ZNF208: variants seen among roughly 807,000 people sequenced by gnomAD.
ZNF208 encodes the protein zinc finger protein 208.
ZNF208 carries 10 observed loss-of-function variants against 12.1 expected under a neutral mutation model. The observed-to-expected ratio is 0.83, with a 90% CI of 0.51 to 1.40. The LOEUF (loss-of-function observed/expected upper bound fraction) is 1.40, where lower values mean the gene tolerates loss of function less well. ZNF208 is among the 40% of genes most tolerant of loss of function. The pLI, the probability that ZNF208 is intolerant of heterozygous loss-of-function variation, is 0.00. For missense variants in ZNF208, 1,652 were observed against 1,485.0 expected (o/e 1.11, Z -1.85); for synonymous variants, 497 against 488.4 (o/e 1.02, Z -0.23).
chr19:21,971,030 G>A lies in ZNF208; in HGVS notation c.*161C>T, dbSNP rs956857500. On this transcript the variant is annotated 3_prime_UTR_variant, in exon 4 of 4. Transcript: ENST00000397126. ...ACCACATTCTTCACATTTGTAGGGTGTCTCTCCAGTATGAATTCTCTTATG... is the reference window on the plus strand; with the variant it reads ...ACCACATTCTTCACATTTGTAGGGTATCTCTCCAGTATGAATTCTCTTATG... Among the ~76,000 whole-genome samples, 16 of 145,696 alleles carry A rather than the reference G, an allele frequency of 1.1e-4. No individual in the cohort carries two copies. The highest frequency in any genetic ancestry group is 4.1e-4 in the African/African-American group (16 of 39,250).
chr19:21,942,278 ATAGTAGTATATATAT>A (rs1969752766), intron 4 of ZNF208, among the ~76,000 whole-genome samples: 1 of 152,160 alleles, frequency 6.6e-6, no homozygotes. Flanking sequence ...GTTTTACTTA[ATAGTAGTATATATAT>A]AAGATCAAAG....
At position 21,970,545 on chromosome 19, in the gene ZNF208, T is replaced by A. The variant is rs1970259187; in HGVS notation, c.*646A>T. The A allele has an allele frequency of 3.2e-6, 2 of 630,966 alleles. No homozygotes were observed. The highest frequency in any genetic ancestry group is 5.8e-5 in the Admixed American group (2 of 34,452). 39.1% of individuals were successfully genotyped at this position (630,966 alleles called of 1,614,324 possible). A position where few individuals can be genotyped will look rare whatever the true frequency, so the allele number is the denominator to read the frequency against. On this transcript the variant is annotated 3_prime_UTR_variant, in exon 4 of 4. Transcript: ENST00000397126. ...GTAGGGTTTTTCCTCCAGTATGAAT[T>A]CTTTTATGAGTAGTAAGGTGTGAGG...
intron 3 of ZNF208, among the ~76,000 whole-genome samples, chr19:21,980,814 G>A (rs1304495965): frequency 6.6e-6 from 1 of 151,970 alleles, no homozygotes; most frequent in East Asian, 1.9e-4. Context: ...TAGACTGCTA[G>A]CCAGTCTAAT....
chr19:22,007,099 G>T (rs567224671), intron 1 of ZNF208, among the ~76,000 whole-genome samples: 1 of 152,000 alleles, frequency 6.6e-6, no homozygotes, highest in Non-Finnish European at 1.5e-5. Context: ...ATTACCTACC[G>T]CATTTTCTTG....
At position 21,967,057 on chromosome 19, in the gene ZNF208, A is replaced by G. The variant is rs1970184812; in HGVS notation, c.*4134T>C. On this transcript the variant is annotated 3_prime_UTR_variant, in exon 4 of 4. Coordinates refer to ENST00000397126, the MANE Select transcript of ZNF208 (RefSeq NM_007153.3). ...GCTGATAGTTTCTTTTACTGTGCAG[A>G]AGCTCTTTGGCTTAGATGCCATTTT... 1 of 152,082 alleles carries G rather than the reference A, an allele frequency of 6.6e-6. No homozygotes were observed. The highest frequency in any genetic ancestry group is 2.4e-5 in the African/African-American group (1 of 41,426). The allele number at this position is 152,082 out of a possible 1,614,324, so 9.4% of individuals were successfully genotyped here. A position where few individuals can be genotyped will look rare whatever the true frequency, so the allele number is the denominator to read the frequency against.
chr19:21,950,204 T>C (rs1005164952), intron 4 of ZNF208, among the ~76,000 whole-genome samples: 2 of 152,206 alleles, frequency 1.3e-5, no homozygotes, highest in South Asian at 2.1e-4. Flanking sequence ...TTTATCTATA[T>C]AAAACTTGTT....
intron 1 of ZNF208, among the ~76,000 whole-genome samples, chr19:22,005,082 T>A (rs1482030392): frequency 2.0e-5 from 3 of 152,154 alleles, no homozygotes; most frequent in South Asian, 2.1e-4. Context: ...AGAAAACAGG[T>A]TGCTACTGCA....
In ZNF208 at chr19:21,973,969, G is replaced by T. The variant is rs539005144; in HGVS notation, c.1065C>A (p.Ile355=). 12 of 1,613,280 alleles carry T rather than the reference G, an allele frequency of 7.4e-6. No individual in the cohort carries two copies. The African/African-American group carries it at 1.3e-4, about 18-fold the overall frequency. ...TATGAATTACCTTATGTTTAGTAAG[G>T]ATTGAGAACTTACTAAAGGCTTTGC... ...ECGKAFSKFS[I]LTKHKVIHTG... The change falls in exon 4 of 4, where the codon ATC becomes ATA. Residue 355 remains isoleucine (I), a synonymous_variant. Coordinates refer to ENST00000397126, the MANE Select transcript of ZNF208 (RefSeq NM_007153.3).
intron 1 of ZNF208, 143 bp downstream of exon 1, chr19:22,010,645 GAACC>G: frequency 8.0e-7 from 1 of 1,246,654 alleles, no homozygotes; most frequent in Non-Finnish European, 1.2e-6. Context: ...TCTTATGGCT[GAACC>G]GGACTGAGGT....
At chr19:21,963,066 C>T (rs6511303), downstream of ZNF208, among the ~76,000 whole-genome samples, 93,726 of 151,808 alleles carry the variant, frequency 0.62, 29,662 homozygotes, top group African/African-American at 0.74. Context: ...GAATGCCTTC[C>T]CCACTTTATA....
intron 3 of ZNF208, among the ~76,000 whole-genome samples, chr19:21,985,882 C>G (rs557378262): frequency 6.6e-6 from 1 of 152,204 alleles, no homozygotes; most frequent in Non-Finnish European, 1.5e-5. Context: ...GCCCACCATA[C>G]GCAGACCTGA....
rs1970048716 is a variant in ZNF208, at chr19:21,960,608, T to C, written c.305+14121A>G. ...TCTGATGTGTGCTGAAGTTTGAGCG[T>C]CACTGGAATGGATAGTGTCCATATG... is the stretch of plus-strand genomic sequence containing the variant. On this transcript the variant is annotated intron_variant, in intron 4 of 4. Coordinates refer to the ZNF208 transcript ENST00000599916. Among the ~76,000 whole-genome samples the C allele has an allele frequency of 2.0e-5, 3 of 152,174 alleles. No homozygotes were observed. In the South Asian group the frequency reaches 6.2e-4, roughly 32 times the overall value.
chr19:21,995,868 G>T (rs1970827703), intron 1 of ZNF208, among the ~76,000 whole-genome samples: 1 of 152,152 alleles, frequency 6.6e-6, no homozygotes, highest in African/African-American at 2.4e-5. Flanking sequence ...AGGTCAAAAA[G>T]CCACACTCCC....
chr19:21,940,850 C>A (rs896935517), intron 4 of ZNF208: 2 of 153,928 alleles, frequency 1.3e-5, no homozygotes, highest in South Asian at 2.0e-4. Flanking sequence ...GAAACTGGCC[C>A]CGCAGGTCGA....
intron 1 of ZNF208, chr19:21,998,926 G>A (rs931362136): frequency 1.3e-5 from 2 of 151,782 alleles, no homozygotes; most frequent in Admixed American, 6.6e-5. Context: ...GAGCAATTAC[G>A]GTTTTTGGGT....
At chr19:21,983,375 G>A (rs1970579599) in intron 3 of ZNF208, among the ~76,000 whole-genome samples, 1 of 152,176 alleles carries the variant, frequency 6.6e-6, no homozygotes, top group Admixed American at 6.5e-5. Context: ...GAGATGTGGA[G>A]AAGTAGAAAA....
chr19:21,990,895 G>A (rs551718244), intron 1 of ZNF208, among the ~76,000 whole-genome samples: 1 of 152,158 alleles, frequency 6.6e-6, no homozygotes, highest in South Asian at 2.1e-4. Context: ...ACTATGATTT[G>A]GCTCTCTGTT....
intron 4 of ZNF208, among the ~76,000 whole-genome samples, chr19:21,952,853 C>G (rs996819908): frequency 6.6e-6 from 1 of 151,978 alleles, no homozygotes; most frequent in Non-Finnish European, 1.5e-5. Context: ...TTCAGAAGGT[C>G]GGTAGTAACA....
At chr19:21,991,076 T>G (rs1970725057) in intron 1 of ZNF208, among the ~76,000 whole-genome samples, 1 of 152,188 alleles carries the variant, frequency 6.6e-6, no homozygotes, top group Non-Finnish European at 1.5e-5. Context: ...CTTCCTCTTT[T>G]CCTAATTGAA....
Sources: allele counts gnomAD v4.1 joint callset (sites outside exome capture counted in the v4.1 genomes callset), GRCh38; gene constraint gnomAD v4.1.1; transcripts MANE v1.5; gene names NCBI Gene and HGNC (gene_info 2026-07-23, HGNC 2026-07-21).